Variants in RPS6KA2 observed in about 807,000 individuals in gnomAD.
The protein encoded by RPS6KA2 is ribosomal protein S6 kinase alpha-2.
RPS6KA2 carries 42 observed loss-of-function variants against 91.8 expected under a neutral mutation model. The observed-to-expected ratio is 0.46, with a 90% CI of 0.36 to 0.59. The LOEUF is 0.59. Among genes scored for constraint, RPS6KA2 ranks in the 20% least tolerant of loss-of-function variants. The pLI, the probability that RPS6KA2 is intolerant of heterozygous loss-of-function variation, is 0.00. For synonymous variants in RPS6KA2, 414 were observed against 393.6 expected (o/e 1.05, Z -0.61); for missense variants, 798 against 978.5 (o/e 0.82, Z 2.46).
intron 2 of RPS6KA2, among the ~76,000 whole-genome samples, chr6:166,836,496 T>TC (rs1780319287): frequency 1.3e-5 from 2 of 151,948 alleles, no homozygotes; most frequent in Non-Finnish European, 2.9e-5. Flanking sequence ...CTGATTTTTT[T>TC]CCACTTCTGT....
At chr6:166,700,186 C>T (rs999534924) in intron 2 of RPS6KA2, among the ~76,000 whole-genome samples, 7 of 152,210 alleles carry the variant, frequency 4.6e-5, no homozygotes, top group Admixed American at 2.0e-4. Context: ...TTAAACCAGC[C>T]GTTCCAAAAT....
At chr6:166,571,344 G>A (rs1235605015) in intron 1 of RPS6KA2, among the ~76,000 whole-genome samples, 5 of 152,210 alleles carry the variant, frequency 3.3e-5, no homozygotes, top group Non-Finnish European at 7.3e-5. Context: ...CCAGCAAAGA[G>A]GTTGCTGCTT....
intron 1 of RPS6KA2, among the ~76,000 whole-genome samples, chr6:166,550,983 G>A (rs73255201): frequency 0.083 from 4,935 of 59,386 alleles, 293 homozygotes; most frequent in African/African-American, 0.2. Context: ...CAACAGAGCC[G>A]GACTCTATCT....
At position 166,471,636 on chromosome 6, in the gene RPS6KA2, C is replaced by T. The variant is rs1284495201; in HGVS notation, c.908-1731G>A. Among the ~76,000 whole-genome samples the T allele has an allele frequency of 2.6e-5, 4 of 152,262 alleles. No homozygotes were observed. The South Asian group carries it at 6.2e-4, about 24-fold the overall frequency. On this transcript the variant is annotated intron_variant, in intron 10 of 20. Coordinates refer to ENST00000265678, the MANE Select transcript of RPS6KA2 (RefSeq NM_021135.6). Reference sequence around the variant, plus strand: ...AGAATCATAGGACAGACATAGCACACGGACATCTCAGTCATCCGATGCACA... The same window carrying T: ...AGAATCATAGGACAGACATAGCACATGGACATCTCAGTCATCCGATGCACA...
At position 166,433,117 on chromosome 6, in the gene RPS6KA2, C is replaced by T. The variant is rs1696735808; in HGVS notation, c.1333-627G>A. On this transcript the variant is annotated intron_variant, in intron 14 of 20. Coordinates refer to ENST00000265678, the MANE Select transcript of RPS6KA2 (RefSeq NM_021135.6). The surrounding 1 kb of genome is among the most constrained non-coding windows in gnomAD (Gnocchi z 4.4). ...CACCAAATAACAGACTGTGTCCCAC[C>T]CTCGCAGTGGGCACCATCCACAACA... is the stretch of plus-strand genomic sequence containing the variant. 6.6e-6 allele frequency among the ~76,000 whole-genome samples: 1 copy of T among 151,054 alleles called. No homozygotes were observed. The highest frequency in any genetic ancestry group is 2.1e-4 in the South Asian group (1 of 4,782).
Position 166,486,240 on chromosome 6 carries a change from CCACACACAGCTGTGAGCACA to C in RPS6KA2, c.907+2573_907+2592del, listed in dbSNP as rs11272492. Among the ~76,000 whole-genome samples, 9 of 62,470 alleles carry C rather than the reference CCACACACAGCTGTGAGCACA, an allele frequency of 1.4e-4. No homozygotes were observed. The South Asian group carries it at 2.2e-3, about 16-fold the overall frequency. 41.0% of individuals were successfully genotyped at this position (62,470 alleles called of 152,430 possible). ...AGTAGGTTCCTCTAAGCCATGAACC[CCACACACAGCTGTGAGCACA>C]CACACACACATGTGCACGCACACGC... On this transcript the variant is annotated intron_variant, in intron 10 of 20. Transcript: ENST00000265678.
At chr6:166,659,296 G>A (rs1300296157) in intron 2 of RPS6KA2, among the ~76,000 whole-genome samples, 3 of 152,148 alleles carry the variant, frequency 2.0e-5, no homozygotes, top group Admixed American at 1.3e-4. Flanking sequence ...ATTAAACACA[G>A]GCTGACAAAA....
At chr6:166,836,596 A>T (rs1037908213) in intron 2 of RPS6KA2, among the ~76,000 whole-genome samples, 1 of 152,142 alleles carries the variant, frequency 6.6e-6, no homozygotes, top group African/African-American at 2.4e-5. Context: ...ACTTATCTTC[A>T]TCGCTTTCCC....
intron 2 of RPS6KA2, among the ~76,000 whole-genome samples, chr6:166,742,468 AT>A (rs1189855993): frequency 6.6e-6 from 1 of 152,222 alleles, no homozygotes; most frequent in Non-Finnish European, 1.5e-5. Flanking sequence ...GCGTGGCAAA[AT>A]GCAAAAAGTA....
At chr6:166,848,280 T>C (rs1021913731) in intron 2 of RPS6KA2, among the ~76,000 whole-genome samples, 3 of 152,196 alleles carry the variant, frequency 2.0e-5, no homozygotes, top group Admixed American at 2.0e-4. Flanking sequence ...ATGGATGCAG[T>C]GAAAAGGGAA....
chr6:166,795,666 G>C (rs1010189449), intron 2 of RPS6KA2, among the ~76,000 whole-genome samples: 3 of 152,216 alleles, frequency 2.0e-5, no homozygotes, highest in African/African-American at 7.2e-5. Flanking sequence ...GGGTGAGAAA[G>C]ACGGACTCTC....
At chr6:166,593,243 CTA>C (rs1785415339) in intron 1 of RPS6KA2, among the ~76,000 whole-genome samples, 4 of 151,754 alleles carry the variant, frequency 2.6e-5, no homozygotes, top group Admixed American at 2.6e-4. Flanking sequence ...AATACCAGAG[CTA>C]AAAGAGAAAC....
intron 2 of RPS6KA2, among the ~76,000 whole-genome samples, chr6:166,669,511 C>A (rs182590831): frequency 9.3e-4 from 141 of 152,270 alleles, no homozygotes; most frequent in Non-Finnish European, 1.7e-3. Flanking sequence ...GGTCCTACTG[C>A]GTTTTCATGA....
intron 2 of RPS6KA2, among the ~76,000 whole-genome samples, chr6:166,697,097 A>G (rs1436672431): frequency 6.6e-6 from 1 of 151,528 alleles, no homozygotes; most frequent in African/African-American, 2.4e-5. Flanking sequence ...ATGTGTGTAT[A>G]TGTGTGTGTG....
intron 2 of RPS6KA2, among the ~76,000 whole-genome samples, chr6:166,667,953 CAG>C (rs1788363902): frequency 6.6e-6 from 1 of 152,204 alleles, no homozygotes; most frequent in South Asian, 2.1e-4. Flanking sequence ...AGTAAAGACA[CAG>C]ATGCCAGAGG....
chr6:166,421,358 G>A lies in RPS6KA2; in HGVS notation c.1744-1400C>T, dbSNP rs75009112. Among the ~76,000 whole-genome samples the A allele has an allele frequency of 1.0e-3, 158 of 152,338 alleles. 3 individuals carry two copies. In the South Asian group the frequency reaches 0.012, roughly 11 times the overall value. On this transcript the variant is annotated intron_variant, in intron 17 of 20. Coordinates refer to ENST00000265678, the MANE Select transcript of RPS6KA2 (RefSeq NM_021135.6). Reference sequence around the variant, plus strand: ...CCACCCCAAAATATGCTGCATAGGCGTGAGGGGCGCTGAGCTGAAGATACA... The same window carrying A: ...CCACCCCAAAATATGCTGCATAGGCATGAGGGGCGCTGAGCTGAAGATACA...
chr6:166,802,645 C>A (rs1044379518), intron 2 of RPS6KA2, among the ~76,000 whole-genome samples: 1 of 152,142 alleles, frequency 6.6e-6, no homozygotes, highest in Non-Finnish European at 1.5e-5. Flanking sequence ...GATGGGCTCC[C>A]CCAGTTTGCA....
Position 166,627,054 on chromosome 6 carries a change from G to A in RPS6KA2, c.-35C>T, listed in dbSNP as rs1027282979. On this transcript the variant is annotated 5_prime_UTR_variant, in exon 1 of 21. Coordinates refer to ENST00000265678, the MANE Select transcript of RPS6KA2 (RefSeq NM_021135.6). ...CCCAGCCCGGAGCAGCCGCAGGGCC[G>A]GGGGACGCGCATCCCCGGCATCCCA... 7.3e-6 allele frequency: 10 copies of A among 1,360,814 alleles called. No homozygotes were observed. Among genetic ancestry groups the A allele is most frequent in the Admixed American group, 2.8e-5 (1 of 35,196 alleles). 84.3% of individuals were successfully genotyped at this position (1,360,814 alleles called of 1,614,324 possible).
At chr6:166,497,879 C>T (rs992690976) in intron 8 of RPS6KA2, among the ~76,000 whole-genome samples, 1 of 152,198 alleles carries the variant, frequency 6.6e-6, no homozygotes, top group Non-Finnish European at 1.5e-5. Flanking sequence ...ATGCCACGAC[C>T]CGATTGTCAT....
Sources: gnomAD v4.1 joint callset for allele counts (sites outside exome capture counted in the v4.1 genomes callset) on GRCh38, gnomAD v4.1.1 for gene constraint, Gnocchi (gnomAD v3.1) non-coding constraint, MANE v1.5 for transcripts, NCBI Gene and HGNC (gene_info 2026-07-23, HGNC 2026-07-21) for gene names.